CCDC91: variants seen among roughly 807,000 people sequenced by gnomAD.
The protein encoded by CCDC91 is coiled-coil domain-containing protein 91.
In CCDC91, 48 loss-of-function variants were observed where a neutral mutation model predicts 63.2. The ratio of observed to expected loss-of-function variants is 0.76; its 90% CI spans 0.60 to 0.97. The LOEUF (loss-of-function observed/expected upper bound fraction) is 0.97, where lower values mean the gene tolerates loss of function less well. CCDC91 is among the 50% of genes least tolerant of loss of function. The pLI, the probability that CCDC91 is intolerant of heterozygous loss-of-function variation, is 0.00. For missense variants in CCDC91, 500 were observed against 494.6 expected, an observed-to-expected ratio of 1.01 and a Z score of -0.10; for synonymous variants, 167 against 165.8, an observed-to-expected ratio of 1.01 and a Z score of -0.06.
At chr12:28,398,434 T>C (rs1946418693) in intron 8 of CCDC91, among the ~76,000 whole-genome samples, 1 of 152,190 alleles carries the variant, frequency 6.6e-6, no homozygotes, top group Admixed American at 6.5e-5. Context: ...CATTCACTTA[T>C]TAAATATTTA....
At chr12:28,274,505 G>A (rs1236551073) in intron 3 of CCDC91, among the ~76,000 whole-genome samples, 1 of 151,956 alleles carries the variant, frequency 6.6e-6, no homozygotes, top group African/African-American at 2.4e-5. Context: ...TTTGTATCCT[G>A]TTTTATTTCA....
intron 3 of CCDC91, 122 bp from the exon 4 acceptor site, chr12:28,305,526 GC>G (rs1938616088): frequency 2.4e-6 from 2 of 824,266 alleles, no homozygotes; most frequent in Admixed American, 2.8e-5. Flanking sequence ...CACTCTCATT[GC>G]TTTTACTTTC....
At chr12:28,348,750 G>T (rs1379270478) in intron 6 of CCDC91, among the ~76,000 whole-genome samples, 1 of 151,414 alleles carries the variant, frequency 6.6e-6, no homozygotes, top group Non-Finnish European at 1.5e-5. Flanking sequence ...TTTAGTCAGG[G>T]TCTCGCTCTG....
At chr12:28,304,375 TAAAAAAAAAAAAA>T (rs777296414) in intron 3 of CCDC91, among the ~76,000 whole-genome samples, 37,001 of 72,940 alleles carry the variant, frequency 0.51, 5,309 homozygotes, top group Middle Eastern at 0.59. Context: ...AGACTCCGTC[TAAAAAAAAAAAAA>T]AAAAAAAAAA....
intron 8 of CCDC91, among the ~76,000 whole-genome samples, chr12:28,410,645 C>T (rs1389963588): frequency 6.6e-6 from 1 of 152,088 alleles, no homozygotes; most frequent in Admixed American, 6.6e-5. Flanking sequence ...CCTCAGCCTC[C>T]TGAGTAGCTG....
chr12:28,274,174 G>T (rs1053318041), intron 3 of CCDC91, among the ~76,000 whole-genome samples: 1 of 152,052 alleles, frequency 6.6e-6, no homozygotes, highest in Admixed American at 6.6e-5. Context: ...TATTTCTGAG[G>T]GCTCTGTTCT....
intron 6 of CCDC91, among the ~76,000 whole-genome samples, chr12:28,338,236 A>G (rs1942138870): frequency 6.8e-6 from 1 of 146,152 alleles, no homozygotes; most frequent in East Asian, 2.0e-4. Flanking sequence ...ATTAGCAAGT[A>G]CAGGTATTGG....
chr12:28,370,276 C>T (rs1175403427), intron 7 of CCDC91, among the ~76,000 whole-genome samples: 3 of 152,162 alleles, frequency 2.0e-5, no homozygotes, highest in Non-Finnish European at 4.4e-5. Context: ...TGCTTTGCTG[C>T]TTAGACATTT....
In CCDC91 at chr12:28,233,765, C is replaced by T. The variant is rs370928177; in HGVS notation, c.-14-23437C>T. On this transcript the variant is annotated intron_variant, in intron 1 of 12. Transcript: ENST00000536442. ...ACTCTATTCTTACTTAGTTTTTAAA[C>T]TCACATTTTTTTTTTCGTATTGTTA... 4.6e-5 allele frequency among the ~76,000 whole-genome samples: 7 copies of T among 152,064 alleles called. No individual in the cohort carries two copies. The East Asian group carries it at 5.8e-4, about 13-fold the overall frequency.
intron 3 of CCDC91, among the ~76,000 whole-genome samples, chr12:28,279,802 T>G (rs1483253336): frequency 2.0e-5 from 3 of 152,174 alleles, no homozygotes; most frequent in Non-Finnish European, 4.4e-5. Flanking sequence ...AGAAACTTTA[T>G]TTTTCTTTCT....
intron 12 of CCDC91, among the ~76,000 whole-genome samples, chr12:28,492,336 A>G (rs1952057586): frequency 1.3e-5 from 2 of 151,848 alleles, no homozygotes; most frequent in South Asian, 4.1e-4. Flanking sequence ...ATTCTTAATA[A>G]TGATACATAT....
chr12:28,533,341 G>A (rs1203204906), intron 12 of CCDC91, among the ~76,000 whole-genome samples: 1 of 151,932 alleles, frequency 6.6e-6, no homozygotes, highest in Non-Finnish European at 1.5e-5. Flanking sequence ...TCTTAATTAT[G>A]TGCAAGTTTC....
intron 3 of CCDC91, among the ~76,000 whole-genome samples, chr12:28,289,685 C>CT (rs75555723): frequency 0.54 from 49,895 of 92,818 alleles, 14,206 homozygotes; most frequent in East Asian, 0.72. Context: ...CTTTTCTTTT[C>CT]TTTTTTTTTT....
At chr12:28,458,978 A>G (rs929428641) in intron 11 of CCDC91, among the ~76,000 whole-genome samples, 19 of 152,088 alleles carry the variant, frequency 1.2e-4, no homozygotes, top group African/African-American at 4.6e-4. Context: ...AAAAGTTCAA[A>G]CTACTTAGCA....
At chr12:28,298,775 TGC>T (rs1337293112) in intron 3 of CCDC91, among the ~76,000 whole-genome samples, 8 of 129,770 alleles carry the variant, frequency 6.2e-5, no homozygotes, top group Admixed American at 8.3e-5. Context: ...TGTGCTTGTG[TGC>T]ACATATATAT....
chr12:28,516,253 T>G (rs545063974), intron 12 of CCDC91, among the ~76,000 whole-genome samples: 1 of 151,906 alleles, frequency 6.6e-6, no homozygotes, highest in Non-Finnish European at 1.5e-5. Context: ...ACTGTCTTGG[T>G]CTGTTTTGTG....
Position 28,251,633 on chromosome 12 carries a change from C to T in CCDC91, c.-14-5569C>T, listed in dbSNP as rs566853931. Among the ~76,000 whole-genome samples, 39 of 152,142 alleles carry T rather than the reference C, an allele frequency of 2.6e-4. No individual in the cohort carries two copies. In the South Asian group the frequency reaches 5.6e-3, roughly 22 times the overall value. ...GTGTCCTCCATGCTTTTCCAGCCTC[C>T]TCATCTCCTTCATACTGGTTTCTCT... On this transcript the variant is annotated intron_variant, in intron 1 of 12. Coordinates refer to ENST00000536442, the MANE Select transcript of CCDC91 (RefSeq NM_018318.5).
chr12:28,255,062 C>T (rs2136143845), intron 1 of CCDC91, among the ~76,000 whole-genome samples: 1 of 152,216 alleles, frequency 6.6e-6, no homozygotes, highest in East Asian at 1.9e-4. Flanking sequence ...AGGCGTGAGC[C>T]ACCGAATATG....
intron 3 of CCDC91, among the ~76,000 whole-genome samples, chr12:28,259,820 A>AGG (rs1565686089): frequency 1.3e-5 from 2 of 151,944 alleles, no homozygotes; most frequent in Admixed American, 1.3e-4. Flanking sequence ...ATTTAAATTT[A>AGG]GAAGTGTGTT....
Sources: allele counts gnomAD v4.1 joint callset (sites outside exome capture counted in the v4.1 genomes callset), GRCh38; gene constraint gnomAD v4.1.1; transcripts MANE v1.5; gene names NCBI Gene and HGNC (gene_info 2026-07-23, HGNC 2026-07-21).